LINGO1: variants seen among roughly 807,000 people sequenced by gnomAD.
LINGO1 encodes leucine rich repeat and Ig domain containing 1.
A neutral mutation model predicts 37.3 loss-of-function variants in LINGO1; 11 were observed. That is an observed-to-expected ratio of 0.29 (90% CI 0.19 to 0.49). The LOEUF (loss-of-function observed/expected upper bound fraction) is 0.49. LINGO1 is among the 20% of genes least tolerant of loss of function. LINGO1 has a pLI of 0.99. For missense variants in LINGO1, 585 were observed against 878.2 expected (o/e 0.67, Z 4.22); for synonymous variants, 387 against 403.0 (o/e 0.96, Z 0.48).
chr15:77,614,550 G>T lies in LINGO1; in HGVS notation c.1357C>A (p.Pro453Thr), dbSNP rs1289378907. 6.2e-7 allele frequency: 1 copy of T among 1,610,494 alleles called. No homozygotes were observed. The highest frequency in any genetic ancestry group is 1.1e-5 in the South Asian group (1 of 90,872). ...GGTGAGAGCCAGAGGATGGCGGGCG[G>T]CGGGTCGCCATCGGCCCGGCACACA... ...QFVCRADGDP[P>T]PAILWLSPRK... is the part of the protein sequence containing the mutation. Residue 453 changes from proline to threonine, a missense_variant, in exon 2 of 2, where the codon CCG becomes ACG. By Grantham distance (38) the Pro-to-Thr change is conservative. Around this residue, in one of 4 missense-constraint regions of LINGO1, gnomAD observed 484 missense variants for 735.0 expected, o/e 0.66. Transcript: ENST00000355300.
chr15:77,631,484 A>C (rs992191513), intron 1 of LINGO1, among the ~76,000 whole-genome samples: 5 of 151,696 alleles, frequency 3.3e-5, no homozygotes, highest in Non-Finnish European at 7.4e-5. Flanking sequence ...GCCTGGCCCC[A>C]CCCCTCCTTC....
chr15:77,740,451 C>T (rs1370047811), intron 1 of LINGO1, among the ~76,000 whole-genome samples: 3 of 152,188 alleles, frequency 2.0e-5, no homozygotes, highest in African/African-American at 7.2e-5. Flanking sequence ...ACAAATGTTG[C>T]CTCAGTGGCT....
At chr15:77,756,584 C>G (rs7162414) in intron 1 of LINGO1, among the ~76,000 whole-genome samples, 34,106 of 152,098 alleles carry the variant, frequency 0.22, 6,995 homozygotes, top group African/African-American at 0.55. Context: ...CAAGCCGGGG[C>G]TGGGAGCCCA....
intron 2 of LINGO1, among the ~76,000 whole-genome samples, chr15:77,713,524 G>C (rs568988920): frequency 1.3e-5 from 2 of 152,056 alleles, no homozygotes; most frequent in Admixed American, 6.5e-5. Flanking sequence ...GGGCGGGGAG[G>C]GGTGTGCTGG....
In LINGO1 at chr15:77,718,808, C is replaced by T. The variant is rs745989952; in HGVS notation, c.-195+16184G>A. Among the ~76,000 whole-genome samples the T allele has an allele frequency of 5.0e-4, 76 of 150,932 alleles. 5 individuals carry two copies. The highest frequency in any genetic ancestry group is 9.5e-4 in the Non-Finnish European group (64 of 67,622). ...CCAGCTGTGTGACACGGGCCCGAGC[C>T]CCCGACCCTCTTGGTCCATGTACTC... On this transcript the variant is annotated intron_variant, in intron 2 of 3. Coordinates refer to the LINGO1 transcript ENST00000561686.
At chr15:77,652,525 TG>T (rs1479022780) in intron 3 of LINGO1, among the ~76,000 whole-genome samples, 70 of 149,650 alleles carry the variant, frequency 4.7e-4, no homozygotes, top group African/African-American at 4.9e-4. Flanking sequence ...TGTGTGTGTG[TG>T]TGTGTTGCCA....
chr15:77,674,422 G>T (rs2075297655), intron 3 of LINGO1, among the ~76,000 whole-genome samples: 1 of 152,142 alleles, frequency 6.6e-6, no homozygotes, highest in Non-Finnish European at 1.5e-5. Context: ...ACCTTCCATG[G>T]CTTTCCCCAC....
intron 2 of LINGO1, among the ~76,000 whole-genome samples, chr15:77,685,621 G>A (rs567399785): frequency 1.3e-4 from 20 of 151,912 alleles, no homozygotes; most frequent in African/African-American, 4.6e-4. Flanking sequence ...AGTTTGGGAG[G>A]CTGAGGCGGG....
At chr15:77,807,593 C>G (rs773198548) in intron 1 of LINGO1, among the ~76,000 whole-genome samples, 2 of 152,158 alleles carry the variant, frequency 1.3e-5, no homozygotes, top group Non-Finnish European at 2.9e-5. Context: ...CTGCACACGT[C>G]TCTTCTACTC....
intron 1 of LINGO1, among the ~76,000 whole-genome samples, chr15:77,774,575 C>T (rs1227428907): frequency 1.3e-5 from 2 of 152,148 alleles, no homozygotes; most frequent in African/African-American, 2.4e-5. Context: ...GGTGCCTGAT[C>T]CCCAGCAGGG....
intron 1 of LINGO1, among the ~76,000 whole-genome samples, chr15:77,627,048 T>G (rs1286860944): frequency 6.8e-6 from 1 of 147,690 alleles, no homozygotes; most frequent in Non-Finnish European, 1.5e-5. Flanking sequence ...GAGAGCAGGT[T>G]CTCTGCAGAG....
At chr15:77,679,622 A>G (rs1464313867) in intron 2 of LINGO1, among the ~76,000 whole-genome samples, 2 of 152,248 alleles carry the variant, frequency 1.3e-5, no homozygotes, top group Non-Finnish European at 1.5e-5. Context: ...AACTAGCCCA[A>G]GGTCACACAG....
chr15:77,709,731 T>G lies in LINGO1; in HGVS notation c.-194-18830A>C, dbSNP rs1298385465. Among the ~76,000 whole-genome samples the G allele has an allele frequency of 2.6e-5, 4 of 152,246 alleles. No individual in the cohort carries two copies. In the South Asian group the frequency reaches 8.3e-4, roughly 31 times the overall value. ...CACTGCTTTGATGTGCCTGTCCTGA[T>G]GGAGCCACAAGCTTCTCAGACATGA... On this transcript the variant is annotated intron_variant, in intron 2 of 3. Transcript: ENST00000561686.
intron 3 of LINGO1, among the ~76,000 whole-genome samples, chr15:77,661,984 G>A (rs547645799): frequency 1.1e-4 from 17 of 152,252 alleles, no homozygotes; most frequent in East Asian, 1.9e-4. Flanking sequence ...CACCCTGCCC[G>A]ACTCCCCTCA....
intron 1 of LINGO1, among the ~76,000 whole-genome samples, chr15:77,815,242 A>G (rs1431006192): frequency 6.6e-6 from 1 of 152,148 alleles, no homozygotes; most frequent in Non-Finnish European, 1.5e-5. Flanking sequence ...TGGAGTGCTG[A>G]AACAACTGCC....
chr15:77,753,691 C>T (rs73455717), intron 1 of LINGO1, among the ~76,000 whole-genome samples: 8,095 of 152,292 alleles, frequency 0.053, 749 homozygotes, highest in African/African-American at 0.19. Flanking sequence ...CAGCCAAAGA[C>T]ACAAAGCCAT....
At chr15:77,719,450 G>A (rs2076023184) in intron 2 of LINGO1, among the ~76,000 whole-genome samples, 1 of 149,934 alleles carries the variant, frequency 6.7e-6, no homozygotes, top group African/African-American at 2.4e-5. Flanking sequence ...GAGCCACACA[G>A]TGCCACGAAA....
At chr15:77,744,271 T>G (rs188122384) in intron 1 of LINGO1, among the ~76,000 whole-genome samples, 88 of 152,214 alleles carry the variant, frequency 5.8e-4, no homozygotes, top group Non-Finnish European at 9.9e-4. Context: ...CAGTGGCTCA[T>G]GCCTGTAATA....
chr15:77,769,518 G>C (rs1467923504), intron 1 of LINGO1, among the ~76,000 whole-genome samples: 1 of 152,228 alleles, frequency 6.6e-6, no homozygotes, highest in Non-Finnish European at 1.5e-5. Context: ...TCCCATGGGA[G>C]GAGCTATCAG....
Sources: allele counts gnomAD v4.1 joint callset (sites outside exome capture counted in the v4.1 genomes callset), GRCh38; gene constraint gnomAD v4.1.1; regional missense constraint gnomAD v4.1.1; transcripts MANE v1.5; gene names NCBI Gene and HGNC (gene_info 2026-07-23, HGNC 2026-07-21).